Variants in BLACAT1 observed in about 807,000 individuals in gnomAD.
The protein encoded by BLACAT1 is bladder cancer associated transcript 1.
At chr1:205,438,940 T>G (rs1666251366), downstream of BLACAT1, among the ~76,000 whole-genome samples, 1 of 152,210 alleles carries the variant, frequency 6.6e-6, no homozygotes, top group Admixed American at 6.5e-5. Flanking sequence ...CCCCAGGACG[T>G]ACTTTCTCCA....
intron 1 of BLACAT1, among the ~76,000 whole-genome samples, chr1:205,443,228 C>G (rs1259263966): frequency 2.0e-5 from 3 of 152,140 alleles, no homozygotes; most frequent in Non-Finnish European, 4.4e-5. Context: ...CTAAAACAAG[C>G]CAGGCAGGTA....
intron 1 of BLACAT1, among the ~76,000 whole-genome samples, chr1:205,454,592 G>A (rs1666540399): frequency 6.6e-6 from 1 of 151,992 alleles, no homozygotes; most frequent in South Asian, 2.1e-4. Context: ...CTCTGTGGCA[G>A]CCCCAGTGGA....
intron 1 of BLACAT1, among the ~76,000 whole-genome samples, chr1:205,442,951 T>G (rs1336771275): frequency 1.3e-5 from 2 of 152,176 alleles, no homozygotes; most frequent in African/African-American, 4.8e-5. Context: ...TCTCTGGGCC[T>G]TCATTACCTC....
At chr1:205,454,000 G>T (rs1475621498) in intron 1 of BLACAT1, among the ~76,000 whole-genome samples, 2 of 152,180 alleles carry the variant, frequency 1.3e-5, no homozygotes, top group Admixed American at 6.5e-5. Context: ...ATGGGGTGAT[G>T]GTGCCCCAGC....
intron 1 of BLACAT1, among the ~76,000 whole-genome samples, chr1:205,454,549 T>A (rs10900492): frequency 0.46 from 68,286 of 146,960 alleles, 18,388 homozygotes; most frequent in East Asian, 0.72. Context: ...TGTGTGTGTG[T>A]GAGAGAGAGA....
intron 1 of BLACAT1, among the ~76,000 whole-genome samples, chr1:205,442,148 C>CGTGGAGGTCAG (rs1666305692): frequency 6.6e-6 from 1 of 152,158 alleles, no homozygotes; most frequent in South Asian, 2.1e-4. Context: ...AAGCGCCCTG[C>CGTGGAGGTCAG]GTGGAGGTCA....
intron 1 of BLACAT1, among the ~76,000 whole-genome samples, chr1:205,452,180 A>G (rs533623159): frequency 2.4e-4 from 37 of 152,298 alleles, no homozygotes; most frequent in African/African-American, 8.9e-4. Context: ...GTCCAGCATG[A>G]AAACTAAAGC....
rs1666286132 is a variant in BLACAT1 at position 205,441,048 on chromosome 1, A to C, written c.-22T>G. 6.5e-6 allele frequency: 1 copy of C among 152,678 alleles called. No individual in the cohort carries two copies. The highest frequency in any genetic ancestry group is 2.4e-5 in the African/African-American group (1 of 41,446). The allele number at this position is 152,678 out of a possible 1,614,324, so 9.5% of individuals were successfully genotyped here. On this transcript the variant is annotated 5_prime_UTR_variant, in exon 2 of 2. Transcript: ENST00000629624. This position sits in a 1 kb window ranked among gnomAD's most constrained non-coding sequence, Gnocchi z 4.3. Reference sequence around the variant, plus strand: ...GCATGCCCTACGCCAGGCTGGGGGAACACTCACCAGAGATCTGCAGGGAAA... The same window carrying C: ...GCATGCCCTACGCCAGGCTGGGGGACCACTCACCAGAGATCTGCAGGGAAA...
intron 1 of BLACAT1, among the ~76,000 whole-genome samples, chr1:205,442,305 C>T (rs1666308743): frequency 6.6e-6 from 1 of 152,188 alleles, no homozygotes; most frequent in African/African-American, 2.4e-5. Context: ...CGCCTCCCTT[C>T]TCCAGCCCCT....
At chr1:205,455,610 C>T (rs940285248) in intron 1 of BLACAT1, among the ~76,000 whole-genome samples, 1 of 152,190 alleles carries the variant, frequency 6.6e-6, no homozygotes, top group African/African-American at 2.4e-5. Context: ...GGAGCCAAGG[C>T]TCCCTCTCAC....
Position 205,450,382 on chromosome 1 carries a change from T to G in BLACAT1, c.-37+5535A>C, listed in dbSNP as rs1161803868. 7.1e-6 allele frequency among the ~76,000 whole-genome samples: 1 copy of G among 141,514 alleles called. No homozygotes were observed. Among genetic ancestry groups the G allele is most frequent in the Non-Finnish European group, 1.5e-5 (1 of 65,504 alleles). 92.8% of individuals were successfully genotyped at this position (141,514 alleles called of 152,430 possible). ...CCTTCCCCTGCCGCTCCCCTCCAGC[T>G]TTTTTATAGTTTAATTTTTGGCAGG... On this transcript the variant is annotated intron_variant, in intron 1 of 1. Coordinates refer to ENST00000629624, the Ensembl canonical transcript of BLACAT1. The surrounding 1 kb of genome is among the most constrained non-coding windows in gnomAD (Gnocchi z 4.4).
chr1:205,435,920 T>G (rs1666197089), downstream of BLACAT1: 1 of 152,256 alleles, frequency 6.6e-6, no homozygotes, highest in African/African-American at 2.4e-5. Context: ...CATCACTTTT[T>G]CCCATCCTCA....
chr1:205,444,118 T>A (rs1192584874), intron 1 of BLACAT1, among the ~76,000 whole-genome samples: 1 of 151,708 alleles, frequency 6.6e-6, no homozygotes, highest in African/African-American at 2.4e-5. Context: ...TCATGGGAAC[T>A]CCCCTCCCAT....
chr1:205,446,639 T>G (rs1178428729), intron 1 of BLACAT1, among the ~76,000 whole-genome samples: 1 of 151,520 alleles, frequency 6.6e-6, no homozygotes, highest in Non-Finnish European at 1.5e-5. Flanking sequence ...AGATCAGGAG[T>G]TAAGGGAAGG....
intron 1 of BLACAT1, among the ~76,000 whole-genome samples, chr1:205,454,279 C>T (rs1462522776): frequency 6.6e-6 from 1 of 152,132 alleles, no homozygotes; most frequent in Non-Finnish European, 1.5e-5. Flanking sequence ...TGTGGTCTCC[C>T]CTGCCACCCA....
Position 205,450,877 on chromosome 1 carries a change from C to A in BLACAT1, c.-37+5040G>T, listed in dbSNP as rs1380313687. Among the ~76,000 whole-genome samples the A allele has an allele frequency of 6.6e-6, 1 of 152,202 alleles. No individual in the cohort carries two copies. On this transcript the variant is annotated intron_variant, in intron 1 of 1. Coordinates refer to ENST00000629624, the Ensembl canonical transcript of BLACAT1. This position sits in a 1 kb window ranked among gnomAD's most constrained non-coding sequence, Gnocchi z 4.4. Reference sequence around the variant, plus strand: ...GAAAGAGGAAGCAGGTCAAGCCTCACCTCCTTTCCCGAGGAAAACCCTGCT... The same window carrying A: ...GAAAGAGGAAGCAGGTCAAGCCTCAACTCCTTTCCCGAGGAAAACCCTGCT...
chr1:205,447,657 G>A (rs887562498), intron 1 of BLACAT1, among the ~76,000 whole-genome samples: 8 of 151,968 alleles, frequency 5.3e-5, no homozygotes, highest in Non-Finnish European at 1.2e-4. Context: ...ACGGGGGCAG[G>A]GAGGGCTGGT....
downstream of BLACAT1, among the ~76,000 whole-genome samples, chr1:205,438,198 G>A (rs1351060248): frequency 1.3e-5 from 2 of 152,164 alleles, no homozygotes; most frequent in East Asian, 1.9e-4. Context: ...TTTACAGATG[G>A]GGAAAACTGG....
intron 1 of BLACAT1, among the ~76,000 whole-genome samples, chr1:205,451,251 C>T (rs187496451): frequency 6.6e-6 from 1 of 152,328 alleles, no homozygotes; most frequent in East Asian, 1.9e-4. Flanking sequence ...CCAACAGATG[C>T]TAAGAATTCC....
Sources: allele counts gnomAD v4.1 joint callset (sites outside exome capture counted in the v4.1 genomes callset), GRCh38; gene constraint gnomAD v4.1.1; non-coding constraint Gnocchi (gnomAD v3.1); transcripts MANE v1.5; gene names NCBI Gene and HGNC (gene_info 2026-07-23, HGNC 2026-07-21).